TBX2: variants seen among roughly 807,000 people sequenced by gnomAD.
The protein encoded by TBX2 is T-box transcription factor TBX2.
A neutral mutation model predicts 48.4 loss-of-function variants in TBX2; 19 were observed. The ratio of observed to expected loss-of-function variants is 0.39; its 90% CI spans 0.27 to 0.58. The LOEUF is 0.58. Ranked by LOEUF, TBX2 falls within the 20% of genes least tolerant of loss-of-function variation. The pLI is 0.54. For missense variants in TBX2, 994 were observed against 1,006.5 expected (o/e 0.99, Z 0.17); for synonymous variants, 522 against 459.7 (o/e 1.14, Z -1.73).
chr17:61,405,267 G>A lies in TBX2; in HGVS notation c.1117G>A (p.Gly373Arg), dbSNP rs1351851521. The change falls in exon 6 of 7, where the codon GGG (glycine) becomes AGG (arginine). Residue 373 changes from glycine (G) to arginine (R), a missense_variant. Physicochemically the swap from Gly to Arg is moderately radical, Grantham distance 125. This residue lies in a region of TBX2 where 639 missense variants were observed against 613.2 expected (regional missense o/e 1.04). Coordinates refer to ENST00000240328, the MANE Select transcript of TBX2 (RefSeq NM_005994.4). ...TGAGCGGTTGAGCGAGGAGCGTGCG[G>A]GGGCGCCGCTAGGCCGCAGCCCGGC... is the stretch of plus-strand genomic sequence containing the variant. ...EPERLSEERA[G>R]APLGRSPAPD... 6.4e-7 allele frequency: 1 copy of A among 1,570,390 alleles called. No individual in the cohort carries two copies. Among genetic ancestry groups the A allele is most frequent in the Non-Finnish European group, 8.6e-7 (1 of 1,166,230 alleles).
rs1340160900 is a variant in TBX2 at position 61,405,370 on chromosome 17, A to T, written c.1220A>T (p.Glu407Val). ...CGGCGTAGTCCCGAGAGGGGCAAGG[A>T]GCCGGCCGAGAGCGGCGGGGACGGC... The part of the protein sequence containing the change: ...RERRSPERGK[E>V]PAESGGDGPF... The change falls in exon 6 of 7, where the codon GAG becomes GTG. Residue 407 changes from glutamate to valine, a missense_variant. By Grantham distance (121) the Glu-to-Val change is moderately radical (BLOSUM62 -2). Around this residue, in one of 5 missense-constraint regions of TBX2, gnomAD observed 639 missense variants for 613.2 expected, o/e 1.04. Transcript: ENST00000240328. 1 of 1,547,506 alleles carries T rather than the reference A, an allele frequency of 6.5e-7. No individual in the cohort carries two copies. The highest frequency in any genetic ancestry group is 1.2e-5 in the South Asian group (1 of 84,548).
intron 1 of TBX2, among the ~76,000 whole-genome samples, chr17:61,401,321 C>A (rs1406511663): frequency 6.6e-6 from 1 of 152,208 alleles, no homozygotes; most frequent in Non-Finnish European, 1.5e-5. Flanking sequence ...GTGGGTATTT[C>A]CCCTGAACGA....
In TBX2 at chr17:61,408,318, G is replaced by A; in HGVS notation, c.1951G>A (p.Gly651Arg). The A allele has an allele frequency of 6.2e-7, 1 of 1,610,470 alleles. No homozygotes were observed. The highest frequency in any genetic ancestry group is 8.5e-7 in the Non-Finnish European group (1 of 1,179,078). The part of the protein sequence containing the change: ...LASEGSKAAG[G>R]NSREPSPLPE... The stretch of plus-strand genomic sequence containing the variant: ...CTCTGAGGGCTCCAAGGCCGCTGGT[G>A]GAAACAGCCGGGAGCCTAGCCCCCT... The change falls in exon 7 of 7, where the codon GGA (glycine) becomes AGA (arginine). Residue 651 changes from glycine to arginine, a missense_variant. By Grantham distance (125) the Gly-to-Arg change is moderately radical. This residue lies in a region of TBX2 where 639 missense variants were observed against 613.2 expected (regional missense o/e 1.04). Coordinates refer to ENST00000240328, the MANE Select transcript of TBX2 (RefSeq NM_005994.4).
rs79734615 is a variant in TBX2 at position 61,403,349 on chromosome 17, A to C, written c.810+142A>C. On this transcript the variant is annotated intron_variant, in intron 3 of 6. Coordinates refer to ENST00000240328, the MANE Select transcript of TBX2 (RefSeq NM_005994.4). This position sits in a 1 kb window ranked among gnomAD's most constrained non-coding sequence, Gnocchi z 5.8. The stretch of plus-strand genomic sequence containing the variant: ...CCCGCCCCCGAGCACCGAGCCTCGC[A>C]TCCATACGCGCAGCACTCACGGAAG... 1,072 of 1,343,688 alleles carry C rather than the reference A, an allele frequency of 8.0e-4. 9 individuals are homozygous for C. In the African/African-American group the frequency reaches 0.014, roughly 18 times the overall value. 83.2% of individuals were successfully genotyped at this position (1,343,688 alleles called of 1,614,324 possible).
intron 2 of TBX2, 74 bp from the exon 3 acceptor site, chr17:61,402,987 G>T (rs1338480124): frequency 2.2e-6 from 3 of 1,360,844 alleles, no homozygotes; most frequent in Non-Finnish European, 1.9e-6. Context: ...GAGAGGAAGA[G>T]GTCAGGTACC....
intron 2 of TBX2, among the ~76,000 whole-genome samples, chr17:61,402,303 G>C (rs1032583485): frequency 6.6e-6 from 1 of 152,224 alleles, no homozygotes; most frequent in Non-Finnish European, 1.5e-5. Context: ...TGTAGGTGCC[G>C]AGCTTGGAAG....
rs776574836 is a variant in TBX2, at chr17:61,408,247, C to T, written c.1880C>T (p.Pro627Leu). 5.6e-6 allele frequency: 9 copies of T among 1,612,774 alleles called. No homozygotes were observed. The change falls in exon 7 of 7, where the codon CCG becomes CTG. Residue 627 changes from proline to leucine, a missense_variant. Physicochemically the swap from Pro to Leu is moderately conservative, Grantham distance 98. Around this residue, in one of 5 missense-constraint regions of TBX2, gnomAD observed 639 missense variants for 613.2 expected, o/e 1.04. Transcript: ENST00000240328. Reference sequence around the variant, plus strand: ...CTGCGTTTCAGCCCCTATCAGATCCCGGTCACCATCCCGCCTAGCACTAGC... The same window carrying T: ...CTGCGTTTCAGCCCCTATCAGATCCTGGTCACCATCCCGCCTAGCACTAGC... Reference protein sequence around the residue: ...PRLRFSPYQIPVTIPPSTSLL... With the variant: ...PRLRFSPYQILVTIPPSTSLL...
chr17:61,403,228 G>C lies in TBX2; in HGVS notation c.810+21G>C, dbSNP rs768059024. On this transcript the variant is annotated intron_variant, in intron 3 of 6. Transcript: ENST00000240328. This position sits in a 1 kb window ranked among gnomAD's most constrained non-coding sequence, Gnocchi z 5.8. ...ACAAGGTGCGCGCGGCGGGCGGTGG[G>C]CTAAGCCCCTGCACTGACGCCCCTC... The C allele has an allele frequency of 3.7e-6, 6 of 1,610,072 alleles. No individual in the cohort carries two copies. The South Asian group carries it at 6.6e-5, about 18-fold the overall frequency.
chr17:61,403,147 C>T lies in TBX2; in HGVS notation c.750C>T (p.Phe250=). Residue 250 remains phenylalanine (F), a synonymous_variant, in exon 3 of 7, where the codon TTC becomes TTT. Transcript: ENST00000240328. This position sits in a 1 kb window ranked among gnomAD's most constrained non-coding sequence, Gnocchi z 5.8. ...NDILKLPYST[F]RTYVFPETDF... ...TCCTGAAGCTGCCTTACAGCACCTT[C>T]CGCACCTACGTGTTCCCGGAGACCG... 6.2e-7 allele frequency: 1 copy of T among 1,613,848 alleles called. No homozygotes were observed. The highest frequency in any genetic ancestry group is 8.5e-7 in the Non-Finnish European group (1 of 1,180,020).
At position 61,403,830 on chromosome 17, in the gene TBX2, G is replaced by A. The variant is rs1320976136; in HGVS notation, c.811-591G>A. On this transcript the variant is annotated intron_variant, in intron 3 of 6. Coordinates refer to ENST00000240328, the MANE Select transcript of TBX2 (RefSeq NM_005994.4). The surrounding 1 kb of genome is among the most constrained non-coding windows in gnomAD (Gnocchi z 5.8). Reference sequence around the variant, plus strand: ...CCCCTCTAGGCCTGTGCCCTTGTGCGCCACTGTCGAGTGAAAGAGAGGGTA... The same window carrying A: ...CCCCTCTAGGCCTGTGCCCTTGTGCACCACTGTCGAGTGAAAGAGAGGGTA... Among the ~76,000 whole-genome samples the A allele has an allele frequency of 3.9e-5, 6 of 152,190 alleles. No individual in the cohort carries two copies. Among genetic ancestry groups the A allele is most frequent in the Non-Finnish European group, 8.8e-5 (6 of 68,008 alleles).
chr17:61,400,119 C>G lies in TBX2; in HGVS notation c.-58C>G, dbSNP rs2060257264. On this transcript the variant is annotated 5_prime_UTR_variant, in exon 1 of 7. Coordinates refer to ENST00000240328, the MANE Select transcript of TBX2 (RefSeq NM_005994.4). The surrounding 1 kb of genome is among the most constrained non-coding windows in gnomAD (Gnocchi z 9.2). ...CGCGCCGCCGCCCGGGCCGGGGGTC[C>G]GAGCCGCGCGCCCCCGGCCCCGGCC... 1.1e-6 allele frequency: 1 copy of G among 940,716 alleles called. No individual in the cohort carries two copies. Among genetic ancestry groups the G allele is most frequent in the Non-Finnish European group, 1.3e-6 (1 of 792,012 alleles). The allele number at this position is 940,716 out of a possible 1,614,324, so 58.3% of individuals were successfully genotyped here.
At position 61,403,693 on chromosome 17, in the gene TBX2, G is replaced by C. The variant is rs977248999; in HGVS notation, c.810+486G>C. ...CAAAGCACTCCTGGCTACTGCTCTGGGTCAGTCTAGGCCCCAGACCCCTTG... is the reference window on the plus strand; with the variant it reads ...CAAAGCACTCCTGGCTACTGCTCTGCGTCAGTCTAGGCCCCAGACCCCTTG... On this transcript the variant is annotated intron_variant, in intron 3 of 6. Coordinates refer to ENST00000240328, the MANE Select transcript of TBX2 (RefSeq NM_005994.4). This position sits in a 1 kb window ranked among gnomAD's most constrained non-coding sequence, Gnocchi z 5.8. Among the ~76,000 whole-genome samples the C allele has an allele frequency of 1.3e-5, 2 of 151,738 alleles. No individual in the cohort carries two copies. Among genetic ancestry groups the C allele is most frequent in the African/African-American group, 4.8e-5 (2 of 41,268 alleles).
Position 61,408,577 on chromosome 17 carries a change from C to A in TBX2, c.*71C>A. The A allele has an allele frequency of 7.5e-7, 1 of 1,336,190 alleles. No homozygotes were observed. Among genetic ancestry groups the A allele is most frequent in the Non-Finnish European group, 9.8e-7 (1 of 1,020,186 alleles). The allele number at this position is 1,336,190 out of a possible 1,614,324, so 82.8% of individuals were successfully genotyped here. A position where few individuals can be genotyped will look rare whatever the true frequency, so the allele number is the denominator to read the frequency against. On this transcript the variant is annotated 3_prime_UTR_variant, in exon 7 of 7. Transcript: ENST00000240328. ...CTGCCCCTGCTGCTTGGGACGTGTACAGCACAGAATGAGTATTTATTTAAA... is the reference window on the plus strand; with the variant it reads ...CTGCCCCTGCTGCTTGGGACGTGTAAAGCACAGAATGAGTATTTATTTAAA...
rs2060255521 is a variant in TBX2, at chr17:61,399,882, T to C, written c.-295T>C. On this transcript the variant is annotated 5_prime_UTR_variant, in exon 1 of 7. Coordinates refer to ENST00000240328, the MANE Select transcript of TBX2 (RefSeq NM_005994.4). This position sits in a 1 kb window ranked among gnomAD's most constrained non-coding sequence, Gnocchi z 4.7. ...TCCGAGCTGGGCAGGACATGTGAGATAGTCACAGTTTTCCAGAGATCACGA... is the reference window on the plus strand; with the variant it reads ...TCCGAGCTGGGCAGGACATGTGAGACAGTCACAGTTTTCCAGAGATCACGA... 6.6e-6 allele frequency: 1 copy of C among 151,494 alleles called. No homozygotes were observed. The highest frequency in any genetic ancestry group is 6.6e-5 in the Admixed American group (1 of 15,234). 9.4% of individuals were successfully genotyped at this position (151,494 alleles called of 1,614,324 possible).
Position 61,400,234 on chromosome 17 carries a change from C to A in TBX2, c.58C>A (p.Arg20=), listed in dbSNP as rs778368892. 2 of 1,221,182 alleles carry A rather than the reference C, an allele frequency of 1.6e-6. No individual in the cohort carries two copies. The highest frequency in any genetic ancestry group is 2.5e-4 in the Middle Eastern group (1 of 3,950). The allele number at this position is 1,221,182 out of a possible 1,614,324, so 75.6% of individuals were successfully genotyped here. Residue 20 remains arginine, a synonymous_variant, in exon 1 of 7, where the codon CGG becomes AGG. Transcript: ENST00000240328. This position sits in a 1 kb window ranked among gnomAD's most constrained non-coding sequence, Gnocchi z 9.2. The part of the protein sequence containing the change: ...AMAYHPFHAP[R]PADFPMSAFL... ...GGCTTACCACCCGTTCCACGCGCCA[C>A]GGCCCGCCGACTTCCCCATGTCCGC...
chr17:61,400,652 G>T lies in TBX2; in HGVS notation c.395+81G>T. 7.3e-7 allele frequency: 1 copy of T among 1,363,244 alleles called. No individual in the cohort carries two copies. The allele number at this position is 1,363,244 out of a possible 1,614,324, so 84.4% of individuals were successfully genotyped here. On this transcript the variant is annotated intron_variant, in intron 1 of 6. Coordinates refer to ENST00000240328, the MANE Select transcript of TBX2 (RefSeq NM_005994.4). This position sits in a 1 kb window ranked among gnomAD's most constrained non-coding sequence, Gnocchi z 9.2. ...GGACTGCACGGATCAGAGCAGAGCTGGGGACTCCCGGCTCCCGGCTCCCGG... is the reference window on the plus strand; with the variant it reads ...GGACTGCACGGATCAGAGCAGAGCTTGGGACTCCCGGCTCCCGGCTCCCGG...
In TBX2 at chr17:61,403,865, G is replaced by A. The variant is rs2060276773; in HGVS notation, c.811-556G>A. On this transcript the variant is annotated intron_variant, in intron 3 of 6. Coordinates refer to ENST00000240328, the MANE Select transcript of TBX2 (RefSeq NM_005994.4). The surrounding 1 kb of genome is among the most constrained non-coding windows in gnomAD (Gnocchi z 5.8). ...AGTGAAAGAGAGGGTACGAGTGTCC[G>A]TGCCGGTCGTTGTGGCTTTGTGAAC... 2.6e-5 allele frequency among the ~76,000 whole-genome samples: 4 copies of A among 152,316 alleles called. No individual in the cohort carries two copies. In the South Asian group the frequency reaches 6.2e-4, roughly 24 times the overall value.
rs1555876930 is a variant in TBX2, at chr17:61,402,930, T to TAGAGAGAGAGAGAGAGAGAG, written c.664-109_664-90dup. The TAGAGAGAGAGAGAGAGAGAG allele has an allele frequency of 6.4e-4, 110 of 172,614 alleles. 1 individual carries two copies. The highest frequency in any genetic ancestry group is 1.4e-3 in the Middle Eastern group (1 of 726). 10.7% of individuals were successfully genotyped at this position (172,614 alleles called of 1,614,324 possible). ...GAAAATGGGGAAGAGGAAGAACCGA[T>TAGAGAGAGAGAGAGAGAGAG]AGAGAGAGAGAGAGAGAGAGAGAGA... is the stretch of plus-strand genomic sequence containing the variant. On this transcript the variant is annotated intron_variant, in intron 2 of 6. Coordinates refer to ENST00000240328, the MANE Select transcript of TBX2 (RefSeq NM_005994.4).
Position 61,400,245 on chromosome 17 carries a change from CT to C in TBX2, c.71del (p.Phe24SerfsTer84). 8.2e-7 allele frequency: 1 copy of C among 1,218,138 alleles called. No homozygotes were observed. The allele number at this position is 1,218,138 out of a possible 1,614,324, so 75.5% of individuals were successfully genotyped here. A position where few individuals can be genotyped will look rare whatever the true frequency, so the allele number is the denominator to read the frequency against. On this transcript the variant is annotated frameshift_variant, in exon 1 of 7. Transcript: ENST00000240328. LOFTEE classifies it high-confidence loss of function. The surrounding 1 kb of genome is among the most constrained non-coding windows in gnomAD (Gnocchi z 9.2). Reference protein sequence around the residue: ...HPFHAPRPADFPMSAFLAAAQ... With the variant: ...HPFHAPRPADXPMSAFLAAAQ... Reference sequence around the variant, plus strand: ...CGTTCCACGCGCCACGGCCCGCCGACTTCCCCATGTCCGCCTTTCTGGCGGC... The same window carrying C: ...CGTTCCACGCGCCACGGCCCGCCGACTCCCCATGTCCGCCTTTCTGGCGGC...
Sources: gnomAD v4.1 joint callset for allele counts (sites outside exome capture counted in the v4.1 genomes callset) on GRCh38, gnomAD v4.1.1 for gene constraint, gnomAD v4.1.1 regional missense constraint, Gnocchi (gnomAD v3.1) non-coding constraint, MANE v1.5 for transcripts, NCBI Gene and HGNC (gene_info 2026-07-23, HGNC 2026-07-21) for gene names.